Variants in SLCO3A1 observed in about 807,000 individuals in gnomAD.
SLCO3A1 encodes the protein PGE1 transporter.
Under a neutral mutation model 63.1 loss-of-function variants are expected in SLCO3A1, and 27 were observed. The ratio of observed to expected loss-of-function variants is 0.43; its 90% CI spans 0.32 to 0.59. The LOEUF (loss-of-function observed/expected upper bound fraction) is 0.59, where lower values mean the gene tolerates loss of function less well. SLCO3A1 is among the 20% of genes least tolerant of loss of function. The pLI, the probability that SLCO3A1 is intolerant of heterozygous loss-of-function variation, is 0.09. For missense variants in SLCO3A1, 773 were observed against 945.8 expected, an observed-to-expected ratio of 0.82 and a Z score of 2.40; for synonymous variants, 473 against 409.9, an observed-to-expected ratio of 1.15 and a Z score of -1.86.
rs1898051026 is a variant in SLCO3A1, at chr15:91,897,987, A to T, written c.181-18006A>T. 6.6e-6 allele frequency among the ~76,000 whole-genome samples: 1 copy of T among 152,220 alleles called. No individual in the cohort carries two copies. Among genetic ancestry groups the T allele is most frequent in the Admixed American group, 6.5e-5 (1 of 15,284 alleles). On this transcript the variant is annotated intron_variant, in intron 1 of 9. Coordinates refer to ENST00000318445, the MANE Select transcript of SLCO3A1 (RefSeq NM_013272.4). This position sits in a 1 kb window ranked among gnomAD's most constrained non-coding sequence, Gnocchi z 4.7. ...CATGAGATGCAGAAAGCAGGTGCTC[A>T]TGGTTTGTTTCTGTTGTTCTTGGCT...
chr15:92,010,735 C>T (rs550127383), intron 2 of SLCO3A1, among the ~76,000 whole-genome samples: 1 of 152,134 alleles, frequency 6.6e-6, no homozygotes, highest in South Asian at 2.1e-4. Flanking sequence ...TGCATGATGA[C>T]CCCTCTGCCG....
At chr15:91,996,477 G>A (rs1190570214) in intron 2 of SLCO3A1, among the ~76,000 whole-genome samples, 1 of 152,034 alleles carries the variant, frequency 6.6e-6, no homozygotes, top group East Asian at 1.9e-4. Flanking sequence ...TTTCATGGGG[G>A]TTGGGGACTA....
At chr15:91,933,781 G>C (rs1899313847) in intron 2 of SLCO3A1, among the ~76,000 whole-genome samples, 1 of 152,198 alleles carries the variant, frequency 6.6e-6, no homozygotes, top group South Asian at 2.1e-4. Flanking sequence ...TGGGTAACTT[G>C]CCCAAGGTCT....
intron 1 of SLCO3A1, among the ~76,000 whole-genome samples, chr15:91,884,474 T>C (rs1258257487): frequency 7.0e-6 from 1 of 142,730 alleles, no homozygotes; most frequent in Non-Finnish European, 1.5e-5. Context: ...ATCGCGTCAC[T>C]GCGCTCCACC....
intron 2 of SLCO3A1, among the ~76,000 whole-genome samples, chr15:92,089,008 ATTATTTATTTATTTAT>A (rs1555431409): frequency 7.8e-4 from 71 of 90,582 alleles, no homozygotes; most frequent in Middle Eastern, 6.4e-3. Flanking sequence ...TTATTTATTT[ATTATTTATTTATTTAT>A]TTATTTATTT....
Position 91,980,843 on chromosome 15 carries a change from G to A in SLCO3A1, c.646+64385G>A, listed in dbSNP as rs141040826. ...GCACCAGCCTACTTTTCCCAGGTCC[G>A]GGAAAGACTCCAGTGCACCGTGATG... On this transcript the variant is annotated intron_variant, in intron 2 of 9. Coordinates refer to ENST00000318445, the MANE Select transcript of SLCO3A1 (RefSeq NM_013272.4). Among the ~76,000 whole-genome samples the A allele has an allele frequency of 1.1e-4, 17 of 152,250 alleles. No individual in the cohort carries two copies. The East Asian group carries it at 1.7e-3, about 16-fold the overall frequency.
At chr15:91,961,465 A>T (rs1189867463) in intron 2 of SLCO3A1, among the ~76,000 whole-genome samples, 2 of 152,248 alleles carry the variant, frequency 1.3e-5, no homozygotes, top group African/African-American at 4.8e-5. Context: ...GAGGAAAGGA[A>T]AACAGGGCAT....
chr15:91,871,870 AC>A (rs1282719999), intron 1 of SLCO3A1, among the ~76,000 whole-genome samples: 4 of 138,480 alleles, frequency 2.9e-5, no homozygotes, highest in African/African-American at 1.1e-4. Context: ...GTTTAATTCT[AC>A]CATTTTAACT....
intron 2 of SLCO3A1, among the ~76,000 whole-genome samples, chr15:91,927,911 C>A (rs1899087845): frequency 6.6e-6 from 1 of 152,196 alleles, no homozygotes; most frequent in African/African-American, 2.4e-5. Flanking sequence ...ATCATTTCGC[C>A]AACCCTGGCC....
At chr15:91,986,243 C>T (rs980756053) in intron 2 of SLCO3A1, among the ~76,000 whole-genome samples, 1 of 152,136 alleles carries the variant, frequency 6.6e-6, no homozygotes, top group Non-Finnish European at 1.5e-5. Context: ...GCAGCTGAGC[C>T]TGGGTCAGGG....
rs146167219 is a variant in SLCO3A1 at position 91,897,994 on chromosome 15, G to C, written c.181-17999G>C. 1.0e-3 allele frequency among the ~76,000 whole-genome samples: 156 copies of C among 152,326 alleles called. 3 individuals are homozygous for C. Among genetic ancestry groups the C allele is most frequent in the African/African-American group, 3.6e-3 (148 of 41,578 alleles). On this transcript the variant is annotated intron_variant, in intron 1 of 9. Coordinates refer to ENST00000318445, the MANE Select transcript of SLCO3A1 (RefSeq NM_013272.4). The surrounding 1 kb of genome is among the most constrained non-coding windows in gnomAD (Gnocchi z 4.7). The stretch of plus-strand genomic sequence containing the variant: ...TGCAGAAAGCAGGTGCTCATGGTTT[G>C]TTTCTGTTGTTCTTGGCTTGCGTTA...
At chr15:92,105,644 T>C (rs745735995) in intron 4 of SLCO3A1, among the ~76,000 whole-genome samples, 13 of 151,984 alleles carry the variant, frequency 8.6e-5, no homozygotes, top group Non-Finnish European at 1.9e-4. Flanking sequence ...ATGTGTGAGG[T>C]TCCTTAATGC....
intron 1 of SLCO3A1, among the ~76,000 whole-genome samples, chr15:91,911,609 T>C (rs1333556900): frequency 2.6e-5 from 4 of 152,152 alleles, no homozygotes; most frequent in African/African-American, 7.2e-5. Flanking sequence ...TATATATACG[T>C]ATCTATATCT....
chr15:92,160,966 G>A (rs2048429607), intron 9 of SLCO3A1, among the ~76,000 whole-genome samples: 1 of 152,132 alleles, frequency 6.6e-6, no homozygotes, highest in Admixed American at 6.5e-5. Flanking sequence ...GATTTTATGG[G>A]TAGGTGCATT....
At chr15:92,000,334 G>C (rs878855800) in intron 2 of SLCO3A1, among the ~76,000 whole-genome samples, 13 of 152,056 alleles carry the variant, frequency 8.5e-5, no homozygotes, top group Non-Finnish European at 1.8e-4. Flanking sequence ...GAAGGGAAGT[G>C]GGGGCAAGTT....
Position 91,863,422 on chromosome 15 carries a change from C to T in SLCO3A1, c.180+9334C>T, listed in dbSNP as rs1013318793. On this transcript the variant is annotated intron_variant, in intron 1 of 9. Transcript: ENST00000318445. This position sits in a 1 kb window ranked among gnomAD's most constrained non-coding sequence, Gnocchi z 4.3. ...TGCTCGTGCAGTGTAGTGGGATGGC[C>T]GTGAGTACAACCACTGCCGGTTGTG... Among the ~76,000 whole-genome samples, 7 of 152,212 alleles carry T rather than the reference C, an allele frequency of 4.6e-5. No homozygotes were observed. The highest frequency in any genetic ancestry group is 1.0e-4 in the Non-Finnish European group (7 of 68,044).
intron 2 of SLCO3A1, among the ~76,000 whole-genome samples, chr15:92,088,743 T>C (rs1252791108): frequency 6.6e-6 from 1 of 152,188 alleles, no homozygotes; most frequent in Non-Finnish European, 1.5e-5. Flanking sequence ...TTTCTCATGA[T>C]GCCGTCTCTC....
chr15:92,163,644 G>T lies in SLCO3A1; in HGVS notation c.*509G>T. 1 of 985,178 alleles carries T rather than the reference G, an allele frequency of 1.0e-6. No individual in the cohort carries two copies. The highest frequency in any genetic ancestry group is 1.2e-6 in the Non-Finnish European group (1 of 829,888). The allele number at this position is 985,178 out of a possible 1,614,324, so 61.0% of individuals were successfully genotyped here. On this transcript the variant is annotated 3_prime_UTR_variant, in exon 10 of 10. Transcript: ENST00000318445. ...CCACCCTCTTCCTCCAGGTGGGGGTGGGGGCGGGCGCACAAGTCGGAGGGG... is the reference window on the plus strand; with the variant it reads ...CCACCCTCTTCCTCCAGGTGGGGGTTGGGGCGGGCGCACAAGTCGGAGGGG...
Position 92,075,704 on chromosome 15 carries a change from C to G in SLCO3A1, c.647-19177C>G, listed in dbSNP as rs12324080. ...AAATGGGCATAACATGCCAGTGTATCCATCCCACATGCAGAGAATGGGATA... is the reference window on the plus strand; with the variant it reads ...AAATGGGCATAACATGCCAGTGTATGCATCCCACATGCAGAGAATGGGATA... On this transcript the variant is annotated intron_variant, in intron 2 of 9. Transcript: ENST00000318445. 6.5e-3 allele frequency among the ~76,000 whole-genome samples: 991 copies of G among 152,324 alleles called. 14 individuals carry two copies. The highest frequency in any genetic ancestry group is 0.022 in the African/African-American group (922 of 41,572).
Sources: gnomAD v4.1 joint callset for allele counts (sites outside exome capture counted in the v4.1 genomes callset) on GRCh38, gnomAD v4.1.1 for gene constraint, Gnocchi (gnomAD v3.1) non-coding constraint, MANE v1.5 for transcripts, NCBI Gene and HGNC (gene_info 2026-07-23, HGNC 2026-07-21) for gene names.